Variants in CSNK1G2 observed in about 807,000 individuals in gnomAD.
CSNK1G2 encodes casein kinase I isoform gamma-2.
CSNK1G2 carries 11 observed loss-of-function variants against 48.0 expected under a neutral mutation model. The ratio of observed to expected loss-of-function variants is 0.23; its 90% CI spans 0.14 to 0.38. The LOEUF is 0.38. CSNK1G2 is among the 10% of genes least tolerant of loss of function. The pLI, the probability that CSNK1G2 is intolerant of heterozygous loss-of-function variation, is 1.00. For synonymous variants in CSNK1G2, 337 were observed against 254.1 expected (o/e 1.33, Z -3.10); for missense variants, 446 against 595.5 (o/e 0.75, Z 2.61).
chr19:1,950,476 C>A (rs1291829158), intron 1 of CSNK1G2, among the ~76,000 whole-genome samples: 1 of 147,046 alleles, frequency 6.8e-6, no homozygotes, highest in African/African-American at 2.6e-5. Flanking sequence ...GAGAACTCAG[C>A]AGTGTTGGAG....
At chr19:1,979,424 C>T (rs771980201) in intron 8 of CSNK1G2, 21 bp downstream of exon 8, 48 of 1,538,442 alleles carry the variant, frequency 3.1e-5, no homozygotes, top group Non-Finnish European at 3.7e-5. Flanking sequence ...CCTGCGCCCC[C>T]GCCCTGTGCC....
At chr19:1,950,288 C>T (rs140566047) in intron 1 of CSNK1G2, among the ~76,000 whole-genome samples, 5 of 151,276 alleles carry the variant, frequency 3.3e-5, no homozygotes, top group African/African-American at 7.3e-5. Context: ...TACAGGCACC[C>T]GCCACCACAC....
chr19:1,961,400 G>C (rs988344239), intron 1 of CSNK1G2, among the ~76,000 whole-genome samples: 1 of 152,244 alleles, frequency 6.6e-6, no homozygotes, highest in Non-Finnish European at 1.5e-5. Context: ...GGGTGTGTGC[G>C]TCACCCTGAG....
chr19:1,952,165 G>A (rs1235412903), intron 1 of CSNK1G2, among the ~76,000 whole-genome samples: 2 of 152,204 alleles, frequency 1.3e-5, no homozygotes, highest in African/African-American at 4.8e-5. Flanking sequence ...GTCACTGCAG[G>A]ACAGCAAGCA....
At chr19:1,967,374 C>G (rs558723570) in intron 1 of CSNK1G2, among the ~76,000 whole-genome samples, 1 of 152,300 alleles carries the variant, frequency 6.6e-6, no homozygotes, top group Non-Finnish European at 1.5e-5. Context: ...AAACCTCTTC[C>G]CCTGCACATC....
At position 1,978,989 on chromosome 19, in the gene CSNK1G2, A is replaced by G. The variant is rs1464216823; in HGVS notation, c.578A>G (p.Lys193Arg). The change falls in exon 6 of 12, where the codon AAG (lysine) becomes AGG (arginine). Residue 193 changes from lysine (K) to arginine (R), a missense_variant. Coordinates refer to ENST00000255641, the MANE Select transcript of CSNK1G2 (RefSeq NM_001319.7). The surrounding 1 kb of genome is among the most constrained non-coding windows in gnomAD (Gnocchi z 7.3). ...AIHIIDFGLA[K>R]EYIDPETKKH... is the part of the protein sequence containing the mutation. ...CACATCATCGACTTCGGGCTGGCCAAGGAGTACATCGACCCCGAGACCAAG... is the reference window on the plus strand; with the variant it reads ...CACATCATCGACTTCGGGCTGGCCAGGGAGTACATCGACCCCGAGACCAAG... 1 of 1,599,272 alleles carries G rather than the reference A, an allele frequency of 6.3e-7. No homozygotes were observed. The highest frequency in any genetic ancestry group is 8.5e-7 in the Non-Finnish European group (1 of 1,179,616).
intron 1 of CSNK1G2, among the ~76,000 whole-genome samples, chr19:1,941,900 C>T (rs2014379386): frequency 6.6e-6 from 1 of 151,814 alleles, no homozygotes; most frequent in South Asian, 2.1e-4. Context: ...GCCCACCGCC[C>T]ACTCACCCGC....
chr19:1,951,257 G>T (rs1439723159), intron 1 of CSNK1G2, among the ~76,000 whole-genome samples: 1 of 144,598 alleles, frequency 6.9e-6, no homozygotes, highest in Non-Finnish European at 1.5e-5. Flanking sequence ...CAAAAAATTA[G>T]CCGGGCGTGG....
chr19:1,962,798 T>C (rs1167340551), intron 1 of CSNK1G2, among the ~76,000 whole-genome samples: 1 of 149,988 alleles, frequency 6.7e-6, no homozygotes. Context: ...GATGCACAGA[T>C]CTCCCATCCG....
chr19:1,967,199 C>T (rs542111363), intron 1 of CSNK1G2, among the ~76,000 whole-genome samples: 19 of 152,304 alleles, frequency 1.2e-4, no homozygotes, highest in Admixed American at 5.9e-4. Context: ...TTTCTGGCAC[C>T]GGAACGCAGG....
chr19:1,945,887 G>A (rs2014537228), intron 1 of CSNK1G2, among the ~76,000 whole-genome samples: 1 of 152,164 alleles, frequency 6.6e-6, no homozygotes, highest in Admixed American at 6.5e-5. Context: ...GGGGCACGCT[G>A]GGGTAGAGCA....
intron 1 of CSNK1G2, among the ~76,000 whole-genome samples, chr19:1,950,126 TTATTTATA>T (rs1478941873): frequency 6.6e-6 from 1 of 150,770 alleles, no homozygotes; most frequent in African/African-American, 2.4e-5. Context: ...TTTATTTTAT[TTATTTATA>T]TATTTATTTA....
intron 1 of CSNK1G2, among the ~76,000 whole-genome samples, chr19:1,947,266 C>T (rs2014597329): frequency 6.6e-6 from 1 of 152,218 alleles, no homozygotes; most frequent in African/African-American, 2.4e-5. Context: ...GGCCTGATGG[C>T]CAGTCCTCTC....
chr19:1,975,234 C>G, intron 2 of CSNK1G2: 2 of 985,510 alleles, frequency 2.0e-6, no homozygotes, highest in Non-Finnish European at 2.4e-6. Flanking sequence ...TGGCGAGCAT[C>G]CGCCTGCCCG....
At chr19:1,967,741 TC>T (rs2015413738) in intron 1 of CSNK1G2, among the ~76,000 whole-genome samples, 3 of 61,920 alleles carry the variant, frequency 4.8e-5, no homozygotes, top group Admixed American at 1.9e-4. Flanking sequence ...CCTTCCTCCC[TC>T]CTCCCCAGGC....
At chr19:1,963,440 C>T (rs2015265857) in intron 1 of CSNK1G2, among the ~76,000 whole-genome samples, 1 of 151,818 alleles carries the variant, frequency 6.6e-6, no homozygotes, top group African/African-American at 2.4e-5. Context: ...TCTCTATCTC[C>T]TGACCTCGTG....
Position 1,943,231 on chromosome 19 carries a change from ACTGTGCCTG to A in CSNK1G2, c.-266+1822_-266+1830del, listed in dbSNP as rs374761830. 2.7e-3 allele frequency among the ~76,000 whole-genome samples: 416 copies of A among 152,204 alleles called. 3 individuals carry two copies. The highest frequency in any genetic ancestry group is 9.4e-3 in the African/African-American group (392 of 41,512). On this transcript the variant is annotated intron_variant, in intron 1 of 11. Coordinates refer to ENST00000255641, the MANE Select transcript of CSNK1G2 (RefSeq NM_001319.7). The stretch of plus-strand genomic sequence containing the variant: ...CAAGTGGTCTGTAGTGTCTGGATTT[ACTGTGCCTG>A]CTGTGCCTTCGGACTTCCTTGTGTG...
At chr19:1,942,228 G>A (rs1292382683) in intron 1 of CSNK1G2, among the ~76,000 whole-genome samples, 1 of 152,168 alleles carries the variant, frequency 6.6e-6, no homozygotes, top group Admixed American at 6.5e-5. Context: ...CAGGGCCTGC[G>A]GTGGCCTCAC....
intron 1 of CSNK1G2, chr19:1,952,962 A>G (rs932607947): frequency 2.3e-6 from 1 of 437,362 alleles, no homozygotes; most frequent in African/African-American, 2.2e-5. Context: ...CGGCTCCCAC[A>G]CGATGAGGGG....
Sources: allele counts gnomAD v4.1 joint callset (sites outside exome capture counted in the v4.1 genomes callset), GRCh38; gene constraint gnomAD v4.1.1; non-coding constraint Gnocchi (gnomAD v3.1); transcripts MANE v1.5; gene names NCBI Gene and HGNC (gene_info 2026-07-23, HGNC 2026-07-21).